Variants in SLC24A2 observed in about 807,000 individuals in gnomAD.
SLC24A2 encodes sodium/potassium/calcium exchanger 2.
In SLC24A2, 36 loss-of-function variants were observed where a neutral mutation model predicts 62.0. The observed-to-expected ratio is 0.58, with a 90% confidence interval of 0.44 to 0.77. The LOEUF is 0.77. Ranked by LOEUF, SLC24A2 falls within the 30% of genes least tolerant of loss-of-function variation. The pLI is 0.00. For synonymous variants in SLC24A2, 358 were observed against 294.0 expected (o/e 1.22, Z -2.23); for missense variants, 846 against 817.9 (o/e 1.03, Z -0.42).
At chr9:20,159,022 G>C in the SLC24A2 span, among the ~76,000 whole-genome samples, 1 of 151,516 alleles carries the variant, frequency 6.6e-6, no homozygotes, top group African/African-American at 2.4e-5. Context: ...AAAATATTAG[G>C]CTTACTTACA....
the SLC24A2 span, among the ~76,000 whole-genome samples, chr9:19,818,233 TA>T: frequency 6.6e-6 from 1 of 152,110 alleles, no homozygotes; most frequent in Non-Finnish European, 1.5e-5. Flanking sequence ...ACAAAGTCTC[TA>T]ACTCCTACCT....
chr9:20,170,977 G>A, the SLC24A2 span, among the ~76,000 whole-genome samples: 6 of 151,886 alleles, frequency 4.0e-5, no homozygotes, highest in Admixed American at 1.3e-4. Context: ...AAAAGCACCA[G>A]GTAACCTATA....
chr9:19,816,279 G>A, the SLC24A2 span, among the ~76,000 whole-genome samples: 13 of 151,988 alleles, frequency 8.6e-5, no homozygotes, highest in African/African-American at 2.7e-4. Flanking sequence ...GGATCTTAGA[G>A]TCTTCTACTT....
the SLC24A2 span, among the ~76,000 whole-genome samples, chr9:20,103,886 C>A: frequency 6.6e-6 from 1 of 151,950 alleles, no homozygotes; most frequent in Admixed American, 6.6e-5. Flanking sequence ...AGGCTTCAGA[C>A]GATCAAACTA....
intron 7 of SLC24A2, among the ~76,000 whole-genome samples, chr9:19,553,672 G>C (rs937959158): frequency 6.6e-6 from 1 of 152,190 alleles, no homozygotes; most frequent in African/African-American, 2.4e-5. Flanking sequence ...TCCAGTGTCT[G>C]CTCAGGCTGT....
At chr9:19,563,784 T>TCC (rs1331598280) in intron 7 of SLC24A2, among the ~76,000 whole-genome samples, 3,577 of 45,986 alleles carry the variant, frequency 0.078, 699 homozygotes, top group East Asian at 0.19. Context: ...AAACTGTTGG[T>TCC]TTTTATAATG....
At chr9:19,910,436 T>A in the SLC24A2 span, among the ~76,000 whole-genome samples, 1 of 152,128 alleles carries the variant, frequency 6.6e-6, no homozygotes, top group African/African-American at 2.4e-5. Context: ...TAAATCCACC[T>A]TCCAGACTGA....
the SLC24A2 span, among the ~76,000 whole-genome samples, chr9:20,181,412 G>A: frequency 3.1e-4 from 47 of 152,176 alleles, no homozygotes; most frequent in African/African-American, 9.4e-4. Flanking sequence ...TCACCAAAAC[G>A]GCATGGTACT....
At chr9:19,620,385 A>C (rs1367990295) in intron 3 of SLC24A2, among the ~76,000 whole-genome samples, 3 of 152,192 alleles carry the variant, frequency 2.0e-5, no homozygotes, top group Non-Finnish European at 2.9e-5. Context: ...TACAGCTCTA[A>C]TCCAGAAAGC....
chr9:19,648,553 A>C (rs1184541454), intron 2 of SLC24A2, among the ~76,000 whole-genome samples: 1 of 152,220 alleles, frequency 6.6e-6, no homozygotes, highest in East Asian at 1.9e-4. Flanking sequence ...CAGGTCACTT[A>C]AGCAGAAGTG....
At chr9:20,062,511 A>C in the SLC24A2 span, among the ~76,000 whole-genome samples, 18,322 of 79,306 alleles carry the variant, frequency 0.23, 2,710 homozygotes, top group East Asian at 0.49. Flanking sequence ...TAAAGACTTA[A>C]ACGTTAGACC....
At chr9:20,221,810 A>G in the SLC24A2 span, among the ~76,000 whole-genome samples, 21,018 of 151,916 alleles carry the variant, frequency 0.14, 1,700 homozygotes, top group African/African-American at 0.22. Context: ...TCAACCTGCA[A>G]TTTCATGTCC....
chr9:19,779,617 T>C (rs1822950601), intron 2 of SLC24A2, among the ~76,000 whole-genome samples: 1 of 152,016 alleles, frequency 6.6e-6, no homozygotes, highest in Non-Finnish European at 1.5e-5. Context: ...GAAAAAACTG[T>C]AGATAAAAGG....
chr9:19,729,794 G>C (rs1186448909), intron 2 of SLC24A2, among the ~76,000 whole-genome samples: 1 of 152,104 alleles, frequency 6.6e-6, no homozygotes, highest in Non-Finnish European at 1.5e-5. Flanking sequence ...ATAAGTTCTA[G>C]TGCTCTATCT....
the SLC24A2 span, among the ~76,000 whole-genome samples, chr9:19,838,049 A>T: frequency 6.6e-6 from 1 of 151,054 alleles, no homozygotes; most frequent in African/African-American, 2.4e-5. Flanking sequence ...GCCTTTCTTC[A>T]CAGAATTGGA....
chr9:19,512,001 TC>T lies in SLC24A2; in HGVS notation c.*4151del, dbSNP rs1316736969. 2 of 152,248 alleles carry T rather than the reference TC, an allele frequency of 1.3e-5. No homozygotes were observed. Among genetic ancestry groups the T allele is most frequent in the East Asian group, 3.8e-4 (2 of 5,206 alleles). 9.4% of individuals were successfully genotyped at this position (152,248 alleles called of 1,614,324 possible). A position where few individuals can be genotyped will look rare whatever the true frequency, so the allele number is the denominator to read the frequency against. Reference sequence around the variant, plus strand: ...TTTCTGCAGAGCATTTAATGCAACTTCCATCTTCTTCAGCTCTATCTGGCCA... The same window carrying T: ...TTTCTGCAGAGCATTTAATGCAACTTCATCTTCTTCAGCTCTATCTGGCCA... On this transcript the variant is annotated 3_prime_UTR_variant, in exon 11 of 11. Coordinates refer to ENST00000341998, the MANE Select transcript of SLC24A2 (RefSeq NM_020344.4).
the SLC24A2 span, among the ~76,000 whole-genome samples, chr9:20,157,596 T>C: frequency 2.0e-5 from 3 of 151,698 alleles, no homozygotes; most frequent in Admixed American, 2.0e-4. Flanking sequence ...TACTGGAGGT[T>C]GCAACCAGTA....
chr9:19,766,778 C>A (rs1199440408), intron 2 of SLC24A2, among the ~76,000 whole-genome samples: 1 of 152,172 alleles, frequency 6.6e-6, no homozygotes, highest in Non-Finnish European at 1.5e-5. Flanking sequence ...GGTCAGCGAC[C>A]CACTTGAGGA....
At chr9:20,147,554 T>C in the SLC24A2 span, among the ~76,000 whole-genome samples, 2 of 152,146 alleles carry the variant, frequency 1.3e-5, no homozygotes, top group Non-Finnish European at 2.9e-5. Flanking sequence ...AAGTGCCCAA[T>C]GTAGATATGC....
Sources: gnomAD v4.1 joint callset for allele counts (sites outside exome capture counted in the v4.1 genomes callset) on GRCh38, gnomAD v4.1.1 for gene constraint, MANE v1.5 for transcripts, NCBI Gene and HGNC (gene_info 2026-07-23, HGNC 2026-07-21) for gene names.